Variants in WSCD2 observed in about 807,000 individuals in gnomAD.
WSCD2 encodes sialate:O-sulfotransferase 2.
Under a neutral mutation model 55.7 loss-of-function variants are expected in WSCD2, and 28 were observed. The observed-to-expected ratio is 0.50, with a 90% CI of 0.37 to 0.69. WSCD2 has a LOEUF of 0.69. Ranked by LOEUF, WSCD2 falls within the 30% of genes least tolerant of loss-of-function variation. WSCD2 has a pLI of 0.00. For synonymous variants in WSCD2, 301 were observed against 301.9 expected, an observed-to-expected ratio of 1.00 and a Z score of 0.03; for missense variants, 616 against 762.1, an observed-to-expected ratio of 0.81 and a Z score of 2.26.
chr12:108,232,894 A>T lies in WSCD2; in HGVS notation c.1143A>T (p.Lys381Asn). The change falls in exon 7 of 9, where the codon AAA (lysine) becomes AAT (asparagine). Residue 381 changes from lysine (K) to asparagine (N), a missense_variant and splice_region_variant. Coordinates refer to ENST00000547525, the MANE Select transcript of WSCD2 (RefSeq NM_014653.4). The part of the protein sequence containing the change: ...SYYFDGSLYN[K>N]GFKGERDHWR... ...ACTTCGATGGCTCCCTCTACAACAA[A>T]GGTGAGGAGATGGCAGGGAGGGCAG... The T allele has an allele frequency of 6.2e-7, 1 of 1,609,032 alleles. No homozygotes were observed.
chr12:108,233,304 C>A (rs549917371), intron 7 of WSCD2, among the ~76,000 whole-genome samples: 1 of 152,296 alleles, frequency 6.6e-6, no homozygotes, highest in South Asian at 2.1e-4. Context: ...TTATTGAGCA[C>A]CTACTATTCA....
chr12:108,163,246 G>A (rs1050911835), intron 1 of WSCD2, among the ~76,000 whole-genome samples: 1 of 152,160 alleles, frequency 6.6e-6, no homozygotes, highest in African/African-American at 2.4e-5. Context: ...GCGGGCACCT[G>A]TAGTCCCAGC....
chr12:108,141,412 A>G (rs76602897), intron 1 of WSCD2, among the ~76,000 whole-genome samples: 268 of 152,258 alleles, frequency 1.8e-3, no homozygotes, highest in African/African-American at 6.2e-3. Context: ...TAAACAATAC[A>G]AATTTACTAT....
chr12:108,187,592 T>G (rs1357990523), intron 1 of WSCD2, among the ~76,000 whole-genome samples: 1 of 152,232 alleles, frequency 6.6e-6, no homozygotes, highest in Non-Finnish European at 1.5e-5. Flanking sequence ...AAGTGGAACC[T>G]TTCTTATAGG....
At chr12:108,146,631 A>C (rs1877421031) in intron 1 of WSCD2, among the ~76,000 whole-genome samples, 1 of 152,244 alleles carries the variant, frequency 6.6e-6, no homozygotes, top group Non-Finnish European at 1.5e-5. Context: ...AGGGATTTGA[A>C]TCAGGACACA....
At chr12:108,246,894 G>A (rs968490606) in intron 8 of WSCD2, among the ~76,000 whole-genome samples, 4 of 152,162 alleles carry the variant, frequency 2.6e-5, no homozygotes, top group Non-Finnish European at 5.9e-5. Flanking sequence ...CCCAGAGGAG[G>A]CACCCGCCTG....
Position 108,145,507 on chromosome 12 carries a change from T to C in WSCD2, c.-552+15581T>C, listed in dbSNP as rs1877294466. Among the ~76,000 whole-genome samples, 3 of 152,152 alleles carry C rather than the reference T, an allele frequency of 2.0e-5. No individual in the cohort carries two copies. The South Asian group carries it at 6.2e-4, about 31-fold the overall frequency. ...AAACTGTGGAGTTAATAGACGGAGTTCAAAGAGGCCTTAGGACCCTCATGC... is the reference window on the plus strand; with the variant it reads ...AAACTGTGGAGTTAATAGACGGAGTCCAAAGAGGCCTTAGGACCCTCATGC... On this transcript the variant is annotated intron_variant, in intron 1 of 8. Coordinates refer to ENST00000547525, the MANE Select transcript of WSCD2 (RefSeq NM_014653.4).
At chr12:108,231,240 A>G (rs1888715384) in intron 6 of WSCD2, among the ~76,000 whole-genome samples, 1 of 152,162 alleles carries the variant, frequency 6.6e-6, no homozygotes. Flanking sequence ...AGGCTGAAGA[A>G]GGCAGCACTG....
At chr12:108,174,692 G>A (rs1440446644) in intron 1 of WSCD2, among the ~76,000 whole-genome samples, 1 of 152,186 alleles carries the variant, frequency 6.6e-6, no homozygotes, top group African/African-American at 2.4e-5. Flanking sequence ...ATAGCTCACT[G>A]CAGCCTCAAA....
At position 108,155,290 on chromosome 12, in the gene WSCD2, T is replaced by C. The variant is rs538027019; in HGVS notation, c.-552+25364T>C. Among the ~76,000 whole-genome samples the C allele has an allele frequency of 5.3e-5, 8 of 152,306 alleles. 1 individual carries two copies. The highest frequency in any genetic ancestry group is 1.9e-4 in the African/African-American group (8 of 41,562). ...ATGGGGGTAGTGTTAGGGGCATGAT[T>C]GTGGCCCCCGTACCCTAGGACCAGA... On this transcript the variant is annotated intron_variant, in intron 1 of 8. Coordinates refer to ENST00000547525, the MANE Select transcript of WSCD2 (RefSeq NM_014653.4).
At chr12:108,205,402 A>AC (rs1885234403) in intron 2 of WSCD2, among the ~76,000 whole-genome samples, 1 of 152,208 alleles carries the variant, frequency 6.6e-6, no homozygotes, top group Non-Finnish European at 1.5e-5. Flanking sequence ...AAATAATAAT[A>AC]ATAATAATCT....
intron 7 of WSCD2, among the ~76,000 whole-genome samples, chr12:108,236,997 G>A (rs907618613): frequency 1.1e-4 from 17 of 152,186 alleles, no homozygotes; most frequent in Non-Finnish European, 4.4e-5. Flanking sequence ...TTCTCAGACT[G>A]GTACATCAGC....
intron 5 of WSCD2, 129 bp from the exon 6 acceptor site, chr12:108,226,861 A>C: frequency 9.0e-7 from 1 of 1,104,976 alleles, no homozygotes; most frequent in Non-Finnish European, 1.3e-6. Context: ...GAATTTGGGG[A>C]CCCTCAAGTT....
chr12:108,146,213 C>T (rs1301557308), intron 1 of WSCD2, among the ~76,000 whole-genome samples: 1 of 152,210 alleles, frequency 6.6e-6, no homozygotes, highest in Non-Finnish European at 1.5e-5. Flanking sequence ...TTCCATCCCC[C>T]AAGATAATTA....
intron 3 of WSCD2, among the ~76,000 whole-genome samples, chr12:108,209,572 A>C (rs1885855334): frequency 1.3e-5 from 2 of 151,898 alleles, no homozygotes; most frequent in Non-Finnish European, 1.5e-5. Flanking sequence ...TAGAAGGGTG[A>C]AGATGAAGGC....
chr12:108,134,277 G>T (rs542294949), intron 1 of WSCD2, among the ~76,000 whole-genome samples: 1 of 152,176 alleles, frequency 6.6e-6, no homozygotes, highest in Non-Finnish European at 1.5e-5. Context: ...AGACGTCACT[G>T]CTCTTCTCAT....
chr12:108,230,967 G>A (rs534259947), intron 6 of WSCD2, among the ~76,000 whole-genome samples: 1 of 152,294 alleles, frequency 6.6e-6, no homozygotes, highest in South Asian at 2.1e-4. Flanking sequence ...GCTGGTGGTC[G>A]CTGGAAGGGG....
chr12:108,141,981 T>G (rs1453209637), intron 1 of WSCD2, among the ~76,000 whole-genome samples: 1 of 152,190 alleles, frequency 6.6e-6, no homozygotes, highest in Non-Finnish European at 1.5e-5. Context: ...GATTTCAGCT[T>G]CATTATGCAA....
intron 1 of WSCD2, among the ~76,000 whole-genome samples, chr12:108,176,198 C>A (rs1310739263): frequency 6.6e-6 from 1 of 152,178 alleles, no homozygotes; most frequent in Non-Finnish European, 1.5e-5. Flanking sequence ...GTAAAATGCA[C>A]CCATTTTAGT....
Sources: allele counts gnomAD v4.1 joint callset (sites outside exome capture counted in the v4.1 genomes callset), GRCh38; gene constraint gnomAD v4.1.1; transcripts MANE v1.5; gene names NCBI Gene and HGNC (gene_info 2026-07-23, HGNC 2026-07-21).